The following SCRG1 variants were observed in gnomAD, a reference collection of about 807,000 sequenced individuals.
The protein encoded by SCRG1 is scrapie-responsive protein 1.
SCRG1 carries 3 observed loss-of-function variants against 7.7 expected under a neutral mutation model. The ratio of observed to expected loss-of-function variants is 0.39; its 90% CI spans 0.18 to 1.01. The LOEUF (loss-of-function observed/expected upper bound fraction) is 1.01. SCRG1 is among the 50% of genes least tolerant of loss of function. The pLI, the probability that SCRG1 is intolerant of heterozygous loss-of-function variation, is 0.36. For synonymous variants in SCRG1, 46 were observed against 41.2 expected (o/e 1.12, Z -0.44); for missense variants, 110 against 117.2 (o/e 0.94, Z 0.28).
chr4:173,447,445 A>G, the SCRG1 span, among the ~76,000 whole-genome samples: 1 of 152,236 alleles, frequency 6.6e-6, no homozygotes, highest in African/African-American at 2.4e-5. Context: ...TTTGGATGAG[A>G]TCAGTGGTAT....
At chr4:173,435,091 C>A in the SCRG1 span, among the ~76,000 whole-genome samples, 3 of 150,916 alleles carry the variant, frequency 2.0e-5, no homozygotes, top group Admixed American at 1.3e-4. Flanking sequence ...GAATAAAAAT[C>A]TTTTAATTAT....
At chr4:173,487,012 C>T in the SCRG1 span, among the ~76,000 whole-genome samples, 3 of 152,120 alleles carry the variant, frequency 2.0e-5, no homozygotes, top group Admixed American at 6.6e-5. Context: ...TGATTCTTAC[C>T]CTGGCTGCAC....
the SCRG1 span, among the ~76,000 whole-genome samples, chr4:173,517,892 C>A: frequency 6.6e-6 from 1 of 152,228 alleles, no homozygotes; most frequent in African/African-American, 2.4e-5. Flanking sequence ...CCCTCCTGGG[C>A]AGGGCCAGAG....
At chr4:173,411,858 CT>C in the SCRG1 span, among the ~76,000 whole-genome samples, 4 of 152,268 alleles carry the variant, frequency 2.6e-5, no homozygotes, top group East Asian at 7.7e-4. Context: ...ATGGCTTCTC[CT>C]TGTGTCGATG....
chr4:173,471,031 C>A, the SCRG1 span, among the ~76,000 whole-genome samples: 3 of 152,154 alleles, frequency 2.0e-5, no homozygotes, highest in African/African-American at 4.8e-5. Flanking sequence ...AACATGGAAA[C>A]CCTGTTCACA....
upstream of SCRG1, among the ~76,000 whole-genome samples, chr4:173,410,241 C>A (rs1229953885): frequency 2.6e-5 from 4 of 152,152 alleles, no homozygotes; most frequent in Admixed American, 6.5e-5. Context: ...GGTTAGAAGC[C>A]CAATTATACC....
chr4:173,437,895 G>A, the SCRG1 span, among the ~76,000 whole-genome samples: 3 of 152,110 alleles, frequency 2.0e-5, no homozygotes, highest in Admixed American at 1.3e-4. Flanking sequence ...AAGAGAGAAC[G>A]GTTTCAAATA....
chr4:173,446,040 T>C, the SCRG1 span, among the ~76,000 whole-genome samples: 1 of 152,170 alleles, frequency 6.6e-6, no homozygotes, highest in Non-Finnish European at 1.5e-5. Flanking sequence ...TCCCACTTTT[T>C]AATGAAGACA....
At chr4:173,484,550 A>G in the SCRG1 span, among the ~76,000 whole-genome samples, 1 of 73,588 alleles carries the variant, frequency 1.4e-5, no homozygotes, top group African/African-American at 5.5e-5. Context: ...TGTATATTTT[A>G]TATGTTATAT....
chr4:173,518,172 A>C, the SCRG1 span, among the ~76,000 whole-genome samples: 1 of 152,098 alleles, frequency 6.6e-6, no homozygotes, highest in Admixed American at 6.5e-5. Context: ...CAAGTTCCAC[A>C]GTTAAAGAGG....
the SCRG1 span, among the ~76,000 whole-genome samples, chr4:173,508,502 C>G: frequency 0.54 from 82,368 of 151,882 alleles, 24,544 homozygotes; most frequent in Non-Finnish European, 0.68. The surrounding 1 kb of genome is among the most constrained non-coding windows in gnomAD (Gnocchi z 4.4). Context: ...ACCTTCCGGA[C>G]CTCTGCAGTC....
the SCRG1 span, among the ~76,000 whole-genome samples, chr4:173,450,118 T>A: frequency 1.3e-5 from 2 of 152,044 alleles, no homozygotes; most frequent in African/African-American, 4.8e-5. Context: ...ACAGTCATGG[T>A]GAAAAGTGAA....
the SCRG1 span, among the ~76,000 whole-genome samples, chr4:173,485,306 T>C: frequency 6.8e-6 from 1 of 147,194 alleles, no homozygotes; most frequent in South Asian, 2.1e-4. Context: ...AAGTTTTGCT[T>C]TCATTGTCTA....
chr4:173,475,183 G>A, the SCRG1 span, among the ~76,000 whole-genome samples: 7,317 of 152,256 alleles, frequency 0.048, 600 homozygotes, highest in African/African-American at 0.17. Context: ...TGAGTTTACA[G>A]AGACAAGGCC....
the SCRG1 span, among the ~76,000 whole-genome samples, chr4:173,438,889 C>T: frequency 3.9e-5 from 6 of 152,106 alleles, no homozygotes; most frequent in East Asian, 1.9e-4. Context: ...AAACAGAGAC[C>T]GTGTTGGCTG....
At chr4:173,476,057 C>T in the SCRG1 span, among the ~76,000 whole-genome samples, 3 of 151,690 alleles carry the variant, frequency 2.0e-5, no homozygotes, top group Non-Finnish European at 4.4e-5. Context: ...GAACTATATA[C>T]ATTTTAAAAT....
intron 1 of SCRG1, among the ~76,000 whole-genome samples, chr4:173,393,245 A>T (rs147641992): frequency 2.0e-5 from 3 of 152,350 alleles, no homozygotes; most frequent in African/African-American, 7.2e-5. Flanking sequence ...GATTAGAAAC[A>T]AAGTATTTCT....
At chr4:173,489,061 A>G in the SCRG1 span, among the ~76,000 whole-genome samples, 1 of 152,220 alleles carries the variant, frequency 6.6e-6, no homozygotes, top group Non-Finnish European at 1.5e-5. Context: ...TTCATTTTAC[A>G]TGGAAGGACA....
chr4:173,485,105 T>C, the SCRG1 span, among the ~76,000 whole-genome samples: 58 of 14,024 alleles, frequency 4.1e-3, 12 homozygotes, highest in African/African-American at 8.5e-3. Context: ...TTATATATTA[T>C]ATATTATATA....
Sources: allele counts gnomAD v4.1 joint callset (sites outside exome capture counted in the v4.1 genomes callset), GRCh38; gene constraint gnomAD v4.1.1; non-coding constraint Gnocchi (gnomAD v3.1); transcripts MANE v1.5; gene names NCBI Gene and HGNC (gene_info 2026-07-23, HGNC 2026-07-21).